TMEM175: variants seen among roughly 807,000 people sequenced by gnomAD.
The protein encoded by TMEM175 is transmembrane protein 175.
In TMEM175, 36 loss-of-function variants were observed where a neutral mutation model predicts 36.5. That is an observed-to-expected ratio of 0.99 (90% CI 0.76 to 1.30). The LOEUF (loss-of-function observed/expected upper bound fraction) is 1.30. TMEM175 is among the 50% of genes most tolerant of loss of function. The pLI is 0.00. For synonymous variants in TMEM175, 339 were observed against 313.4 expected (o/e 1.08, Z -0.86); for missense variants, 705 against 692.8 (o/e 1.02, Z -0.20).
Position 958,123 on chromosome 4 carries a change from C to T in TMEM175, c.1142C>T (p.Thr381Ile), listed in dbSNP as rs762545568. The change falls in exon 11 of 11, where the codon ACC becomes ATC. Residue 381 changes from threonine to isoleucine, a missense_variant. By Grantham distance (89) the Thr-to-Ile change is moderately conservative (BLOSUM62 -1). Transcript: ENST00000264771. ...CTGGAGCGCGTGCGTGTCAGCTGCA[C>T]CATCATCTTCCTGGCCAGCATCTTC... ...DELERVRVSC[T>I]IIFLASIFQL... is the part of the protein sequence containing the mutation. 134 of 1,603,280 alleles carry T rather than the reference C, an allele frequency of 8.4e-5. No homozygotes were observed. The highest frequency in any genetic ancestry group is 1.1e-4 in the Non-Finnish European group (133 of 1,179,714).
intron 1 of TMEM175, among the ~76,000 whole-genome samples, chr4:947,437 C>T (rs1280754593): frequency 2.0e-5 from 3 of 152,188 alleles, no homozygotes; most frequent in African/African-American, 7.2e-5. Context: ...TTGTCTCTCC[C>T]GTTTCCTGAG....
intron 10 of TMEM175, chr4:956,632 T>C (rs535082442): frequency 3.1e-5 from 14 of 450,010 alleles, no homozygotes; most frequent in Non-Finnish European, 4.8e-5. Flanking sequence ...TTAATAGAGA[T>C]GAGGTTTCAC....
At chr4:937,848 C>T (rs948681797) in intron 1 of TMEM175, among the ~76,000 whole-genome samples, 7 of 151,988 alleles carry the variant, frequency 4.6e-5, no homozygotes, top group African/African-American at 9.7e-5. Flanking sequence ...ACACCGTGAC[C>T]GAGTGGGATA....
chr4:950,036 G>A (rs1728664540), intron 3 of TMEM175, among the ~76,000 whole-genome samples: 1 of 152,170 alleles, frequency 6.6e-6, no homozygotes, highest in Non-Finnish European at 1.5e-5. Flanking sequence ...TACACAGAGG[G>A]TACCATCCCT....
intron 1 of TMEM175, among the ~76,000 whole-genome samples, chr4:940,127 T>G (rs1727257530): frequency 6.6e-6 from 1 of 152,184 alleles, no homozygotes. Context: ...TAGAACATTC[T>G]GGAAAAGGCA....
intron 1 of TMEM175, among the ~76,000 whole-genome samples, chr4:942,727 C>T (rs1356636038): frequency 6.6e-6 from 1 of 151,820 alleles, no homozygotes; most frequent in Non-Finnish European, 1.5e-5. Flanking sequence ...GCAACCTTCG[C>T]CTCCCAGGTT....
chr4:950,604 CG>C, intron 4 of TMEM175, 86 bp downstream of exon 4: 1 of 1,043,350 alleles, frequency 9.6e-7, no homozygotes, highest in Non-Finnish European at 1.5e-6. Flanking sequence ...TCCATGGGGT[CG>C]GGGAGGACAG....
At chr4:951,039 C>A (rs1383086590) in intron 4 of TMEM175, among the ~76,000 whole-genome samples, 168 bp from the exon 5 acceptor site, 1 of 152,066 alleles carries the variant, frequency 6.6e-6, no homozygotes, top group Non-Finnish European at 1.5e-5. Flanking sequence ...TAGGGAACTT[C>A]ATTTCCTTCG....
intron 3 of TMEM175, chr4:948,421 C>T (rs1728461415): frequency 2.0e-6 from 3 of 1,517,160 alleles, no homozygotes; most frequent in East Asian, 2.5e-5. Flanking sequence ...TGGACAAAGG[C>T]AGCACCCTGG....
At chr4:938,612 G>A (rs1304189228) in intron 1 of TMEM175, among the ~76,000 whole-genome samples, 9 of 152,082 alleles carry the variant, frequency 5.9e-5, no homozygotes, top group Non-Finnish European at 1.3e-4. Flanking sequence ...CTATTTCTAC[G>A]TACTAGCAAT....
chr4:952,473 ACT>A, intron 7 of TMEM175, 23 bp downstream of exon 7: 1 of 1,351,144 alleles, frequency 7.4e-7, no homozygotes, highest in Non-Finnish European at 1.0e-6. Context: ...GGGGGCCTGC[ACT>A]GTGTGTGTGT....
At chr4:934,063 G>C (rs1033657016) in intron 1 of TMEM175, among the ~76,000 whole-genome samples, 5 of 152,236 alleles carry the variant, frequency 3.3e-5, no homozygotes, top group African/African-American at 1.2e-4. Context: ...TATTCGGCCA[G>C]GGCCAACAAG....
chr4:954,344 C>T (rs1161844686), intron 8 of TMEM175, among the ~76,000 whole-genome samples: 1 of 152,198 alleles, frequency 6.6e-6, no homozygotes, highest in Non-Finnish European at 1.5e-5. Flanking sequence ...AAACATCAAA[C>T]AGTGTTTGGA....
At chr4:934,368 G>A (rs533186864) in intron 1 of TMEM175, among the ~76,000 whole-genome samples, 19 of 152,358 alleles carry the variant, frequency 1.2e-4, no homozygotes, top group Admixed American at 8.5e-4. Context: ...GCCAAGGAAC[G>A]AGGATGTTCG....
rs776491204 is a variant in TMEM175 at position 952,437 on chromosome 4, T to G, written c.449T>G (p.Ile150Ser). 1 of 1,591,474 alleles carries G rather than the reference T, an allele frequency of 6.3e-7. No homozygotes were observed. The highest frequency in any genetic ancestry group is 2.3e-5 in the East Asian group (1 of 43,876). ...TTGTTCTGTGTGTGTGTGATCGCCA[T>G]TGGGGTCGTGCAGGTAGGGGGCCTG... is the stretch of plus-strand genomic sequence containing the variant. The part of the protein sequence containing the change: ...IFLFCVCVIA[I>S]GVVQALIVGY... Residue 150 changes from isoleucine (I) to serine (S), a missense_variant, in exon 7 of 11, where the codon ATT (isoleucine) becomes AGT (serine). Ile to Ser is a moderately radical substitution (Grantham distance 142). Coordinates refer to ENST00000264771, the MANE Select transcript of TMEM175 (RefSeq NM_032326.4).
At chr4:951,286 G>T in intron 5 of TMEM175, 28 bp downstream of exon 5, 1 of 1,613,686 alleles carries the variant, frequency 6.2e-7, no homozygotes, top group Non-Finnish European at 8.5e-7. Context: ...CTTTTCTGGG[G>T]AGTGACTCTG....
At chr4:947,382 C>T (rs1337244681) in intron 1 of TMEM175, among the ~76,000 whole-genome samples, 1 of 152,202 alleles carries the variant, frequency 6.6e-6, no homozygotes, top group Non-Finnish European at 1.5e-5. Context: ...TGTTCCTCTT[C>T]CACGTTTAGG....
chr4:940,033 A>G (rs1437979792), intron 1 of TMEM175, among the ~76,000 whole-genome samples: 1 of 152,258 alleles, frequency 6.6e-6, no homozygotes, highest in African/African-American at 2.4e-5. Flanking sequence ...TCAAGCAACA[A>G]CAAGACTTGA....
At position 940,207 on chromosome 4, in the gene TMEM175, C is replaced by T. The variant is rs575110712; in HGVS notation, c.-31-7502C>T. On this transcript the variant is annotated intron_variant, in intron 1 of 10. Transcript: ENST00000264771. ...CTCACGCCTGTAATCCCAGCACTTT[C>T]GGAGGCCAAGGCAGTCAGATCAACT... Among the ~76,000 whole-genome samples the T allele has an allele frequency of 7.3e-4, 111 of 151,854 alleles. 1 individual carries two copies. Among genetic ancestry groups the T allele is most frequent in the African/African-American group, 2.6e-3 (107 of 41,426 alleles).
Sources: gnomAD v4.1 joint callset for allele counts (sites outside exome capture counted in the v4.1 genomes callset) on GRCh38, gnomAD v4.1.1 for gene constraint, MANE v1.5 for transcripts, NCBI Gene and HGNC (gene_info 2026-07-23, HGNC 2026-07-21) for gene names.